Variants in FAM174B observed in about 807,000 individuals in gnomAD.
The protein encoded by FAM174B is family with sequence similarity 174 member B, also known as membrane protein FAM174B.
A neutral mutation model predicts 10.9 loss-of-function variants in FAM174B; 12 were observed. The observed-to-expected ratio is 1.10, with a 90% CI of 0.71 to 1.79. The LOEUF (loss-of-function observed/expected upper bound fraction) is 1.79. Among genes scored for constraint, FAM174B ranks in the 40% most tolerant of loss-of-function variants. FAM174B has a pLI of 0.00. For synonymous variants in FAM174B, 132 were observed against 115.8 expected, an observed-to-expected ratio of 1.14 and a Z score of -0.90; for missense variants, 266 against 233.3, an observed-to-expected ratio of 1.14 and a Z score of -0.91.
chr15:92,648,508 A>T lies in FAM174B; in HGVS notation c.344+6808T>A, dbSNP rs557644935. Reference sequence around the variant, plus strand: ...TGGACAGGGCCAAACTCAGCCCACCACATCTTGGAGGTCCAAAAAGGGCCA... The same window carrying T: ...TGGACAGGGCCAAACTCAGCCCACCTCATCTTGGAGGTCCAAAAAGGGCCA... On this transcript the variant is annotated intron_variant, in intron 1 of 2. Coordinates refer to ENST00000327355, the MANE Select transcript of FAM174B (RefSeq NM_207446.3). Among the ~76,000 whole-genome samples, 27 of 152,256 alleles carry T rather than the reference A, an allele frequency of 1.8e-4. No individual in the cohort carries two copies. The Middle Eastern group carries it at 0.017, about 96-fold the overall frequency.
chr15:92,618,942 G>T lies in FAM174B; in HGVS notation c.*514C>A. On this transcript the variant is annotated 3_prime_UTR_variant, in exon 3 of 3. Transcript: ENST00000327355. Reference sequence around the variant, plus strand: ...ACATCCACCTTGAACTCTGACACAGGTAACGCCAAAATGAGGCCAGGACCT... The same window carrying T: ...ACATCCACCTTGAACTCTGACACAGTTAACGCCAAAATGAGGCCAGGACCT... 1 of 544,930 alleles carries T rather than the reference G, an allele frequency of 1.8e-6. No individual in the cohort carries two copies. Among genetic ancestry groups the T allele is most frequent in the Admixed American group, 3.2e-5 (1 of 31,166 alleles). The allele number at this position is 544,930 out of a possible 1,614,324, so 33.8% of individuals were successfully genotyped here. A position where few individuals can be genotyped will look rare whatever the true frequency, so the allele number is the denominator to read the frequency against.
At chr15:92,643,447 T>C (rs75808494) in intron 1 of FAM174B, among the ~76,000 whole-genome samples, 528 of 151,754 alleles carry the variant, frequency 3.5e-3, no homozygotes, top group African/African-American at 0.012. Context: ...TGACAAGAAA[T>C]TGACAACACA....
Position 92,619,260 on chromosome 15 carries a change from G to A in FAM174B, c.*196C>T. 1 of 719,118 alleles carries A rather than the reference G, an allele frequency of 1.4e-6. No individual in the cohort carries two copies. Among genetic ancestry groups the A allele is most frequent in the Non-Finnish European group, 2.5e-6 (1 of 396,024 alleles). 44.5% of individuals were successfully genotyped at this position (719,118 alleles called of 1,614,324 possible). ...AGGGTGGCAGAAGCAACTCCATTGT[G>A]GTGACGTGGAAACGAGCTTGCCAGT... On this transcript the variant is annotated 3_prime_UTR_variant, in exon 3 of 3. Transcript: ENST00000327355.
intron 2 of FAM174B, among the ~76,000 whole-genome samples, chr15:92,625,826 C>T (rs1024786874): frequency 2.0e-4 from 30 of 152,308 alleles, no homozygotes; most frequent in Middle Eastern, 3.4e-3. Context: ...TTAGTCTTTC[C>T]GAACAGTCAG....
At position 92,655,304 on chromosome 15, in the gene FAM174B, G is replaced by A. The variant is rs114877871; in HGVS notation, c.344+12C>T. ...CGGCCGGCGGGGGAAGGAAGAGGGC[G>A]GGAGGGCCCACCTGAAGACGCGCAG... On this transcript the variant is annotated intron_variant, in intron 1 of 2. Transcript: ENST00000327355. 1,438 of 1,547,356 alleles carry A rather than the reference G, an allele frequency of 9.3e-4. 5 individuals are homozygous for A. In the African/African-American group the frequency reaches 0.017, roughly 18 times the overall value.
chr15:92,632,461 G>A (rs2050825701), intron 1 of FAM174B, among the ~76,000 whole-genome samples: 1 of 152,170 alleles, frequency 6.6e-6, no homozygotes, highest in Non-Finnish European at 1.5e-5. Flanking sequence ...AGGTTGCAGT[G>A]AGCTGAGATT....
intron 2 of FAM174B, among the ~76,000 whole-genome samples, chr15:92,623,681 C>T (rs2050734638): frequency 6.6e-6 from 1 of 152,184 alleles, no homozygotes. Flanking sequence ...TCAGTGCAGC[C>T]GGCAAGGACA....
At chr15:92,634,982 T>C (rs565048320) in intron 1 of FAM174B, among the ~76,000 whole-genome samples, 1 of 152,294 alleles carries the variant, frequency 6.6e-6, no homozygotes, top group East Asian at 1.9e-4. Flanking sequence ...CTGCAGCTTG[T>C]CCGCATTTAG....
intron 1 of FAM174B, among the ~76,000 whole-genome samples, chr15:92,630,866 CATATTATATATTAT>C (rs201547938): frequency 1.9e-5 from 1 of 52,554 alleles, no homozygotes; most frequent in Non-Finnish European, 5.3e-5. Flanking sequence ...TTACATATTA[CATATTATATATTAT>C]ATATTACGTA....
intron 1 of FAM174B, among the ~76,000 whole-genome samples, chr15:92,646,231 G>A (rs1459294756): frequency 2.6e-5 from 4 of 152,126 alleles, no homozygotes. Context: ...CATTTCTAGA[G>A]AAGCCCTGTG....
intron 1 of FAM174B, among the ~76,000 whole-genome samples, chr15:92,638,037 C>G (rs2050867224): frequency 6.6e-6 from 1 of 152,200 alleles, no homozygotes; most frequent in Non-Finnish European, 1.5e-5. Flanking sequence ...CCAGCTAGCA[C>G]TCCCCATCAA....
chr15:92,655,400 T>C lies in FAM174B; in HGVS notation c.260A>G (p.Asp87Gly). The C allele has an allele frequency of 6.2e-7, 1 of 1,600,240 alleles. No homozygotes were observed. Among genetic ancestry groups the C allele is most frequent in the East Asian group, 2.3e-5 (1 of 42,924 alleles). ...CACGGCTGCCTTGAGGGTGGGTAGGTCGCGGAGGAGGATGGAAATGCGGGT... is the reference window on the plus strand; with the variant it reads ...CACGGCTGCCTTGAGGGTGGGTAGGCCGCGGAGGAGGATGGAAATGCGGGT... ...LVTRISILLR[D>G]LPTLKAAVIV... The change falls in exon 1 of 3, where the codon GAC becomes GGC. Residue 87 changes from aspartate to glycine, a missense_variant. Coordinates refer to ENST00000327355, the MANE Select transcript of FAM174B (RefSeq NM_207446.3).
chr15:92,642,336 T>TC (rs1295202864), intron 1 of FAM174B, among the ~76,000 whole-genome samples: 1 of 152,198 alleles, frequency 6.6e-6, no homozygotes, highest in Non-Finnish European at 1.5e-5. Context: ...GCCATCAAAA[T>TC]ACATGTCCAC....
At chr15:92,640,445 G>A (rs1301394286) in intron 1 of FAM174B, among the ~76,000 whole-genome samples, 8 of 145,528 alleles carry the variant, frequency 5.5e-5, no homozygotes, top group Admixed American at 1.4e-4. Context: ...CCAGCTATTC[G>A]GGAGGCTGAG....
At chr15:92,642,811 T>TA (rs1731155108) in intron 1 of FAM174B, among the ~76,000 whole-genome samples, 1 of 152,066 alleles carries the variant, frequency 6.6e-6, no homozygotes, top group African/African-American at 2.4e-5. Context: ...GATGAATGGG[T>TA]AAATAAAAGA....
chr15:92,637,697 G>GT (rs2050864810), intron 1 of FAM174B, among the ~76,000 whole-genome samples: 1 of 152,186 alleles, frequency 6.6e-6, no homozygotes, highest in Non-Finnish European at 1.5e-5. Flanking sequence ...AGGGCTACCT[G>GT]TAAGCAGGCT....
chr15:92,646,823 T>C (rs1282434474), intron 1 of FAM174B, among the ~76,000 whole-genome samples: 1 of 152,228 alleles, frequency 6.6e-6, no homozygotes, highest in Non-Finnish European at 1.5e-5. Flanking sequence ...AATCTACCTA[T>C]GGCCTGGAAG....
At position 92,642,838 on chromosome 15, in the gene FAM174B, T is replaced by C. The variant is rs147203146; in HGVS notation, c.344+12478A>G. Among the ~76,000 whole-genome samples, 406 of 152,334 alleles carry C rather than the reference T, an allele frequency of 2.7e-3. 2 individuals carry two copies. The highest frequency in any genetic ancestry group is 9.4e-3 in the African/African-American group (389 of 41,584). On this transcript the variant is annotated intron_variant, in intron 1 of 2. Coordinates refer to ENST00000327355, the MANE Select transcript of FAM174B (RefSeq NM_207446.3). ...AATAAAAGATGGTATACCCATTCGA[T>C]GGAACATAACGGCAATAAAAAGAAA...
chr15:92,651,640 A>G, intron 1 of FAM174B, among the ~76,000 whole-genome samples: 1 of 152,262 alleles, frequency 6.6e-6, no homozygotes, highest in East Asian at 1.9e-4. Context: ...ATTCTGCCAT[A>G]AAGATTGCCA....
Sources: gnomAD v4.1 joint callset for allele counts (sites outside exome capture counted in the v4.1 genomes callset) on GRCh38, gnomAD v4.1.1 for gene constraint, MANE v1.5 for transcripts, NCBI Gene and HGNC (gene_info 2026-07-23, HGNC 2026-07-21) for gene names.